Variants in NHSL1 observed in about 807,000 individuals in gnomAD.
NHSL1 encodes NHS like 1.
Under a neutral mutation model 95.0 loss-of-function variants are expected in NHSL1, and 48 were observed. The observed-to-expected ratio is 0.51, with a 90% CI of 0.40 to 0.64. The LOEUF (loss-of-function observed/expected upper bound fraction) is 0.64. Among genes scored for constraint, NHSL1 ranks in the 30% least tolerant of loss-of-function variants. NHSL1 has a pLI of 0.00. For missense variants in NHSL1, 1,971 were observed against 2,077.7 expected, an observed-to-expected ratio of 0.95 and a Z score of 1.00; for synonymous variants, 783 against 833.9, an observed-to-expected ratio of 0.94 and a Z score of 1.05.
At chr6:138,584,960 C>A (rs1372500905) in intron 1 of NHSL1, among the ~76,000 whole-genome samples, 1 of 152,192 alleles carries the variant, frequency 6.6e-6, no homozygotes, top group Non-Finnish European at 1.5e-5. Context: ...TGGGTAAGGA[C>A]CACAGGGCCT....
chr6:138,464,101 G>T (rs1376399902), intron 3 of NHSL1: 1 of 486,202 alleles, frequency 2.1e-6, no homozygotes, highest in African/African-American at 2.0e-5. Flanking sequence ...ACGAGGTCAG[G>T]TGTTCAGCTA....
intron 1 of NHSL1, among the ~76,000 whole-genome samples, chr6:138,514,318 A>AAAAC (rs59958557): frequency 0.48 from 71,329 of 149,670 alleles, 17,663 homozygotes; most frequent in African/African-American, 0.61. Flanking sequence ...ACTCCATCTC[A>AAAAC]AAACAAACAA....
chr6:138,468,406 G>A (rs1778529359), intron 3 of NHSL1, among the ~76,000 whole-genome samples: 1 of 152,214 alleles, frequency 6.6e-6, no homozygotes. Context: ...CCCATCTGTG[G>A]CCTGTTAGGA....
At chr6:138,634,837 T>C (rs190739589) in intron 1 of NHSL1, among the ~76,000 whole-genome samples, 10 of 149,130 alleles carry the variant, frequency 6.7e-5, no homozygotes, top group Admixed American at 1.3e-4. Flanking sequence ...AAAAAAGTAA[T>C]ATCAAACATC....
chr6:138,491,574 A>C (rs1388670927), intron 2 of NHSL1, among the ~76,000 whole-genome samples: 1 of 152,242 alleles, frequency 6.6e-6, no homozygotes, highest in Admixed American at 6.5e-5. Flanking sequence ...TGAAGGATTC[A>C]AACAATGATG....
At chr6:138,603,065 T>C (rs1784391642) in intron 1 of NHSL1, among the ~76,000 whole-genome samples, 1 of 152,196 alleles carries the variant, frequency 6.6e-6, no homozygotes, top group Admixed American at 6.5e-5. Flanking sequence ...TTTTCTTTTA[T>C]GGAAAGAAGA....
At chr6:138,687,804 T>C (rs1343782203) in intron 1 of NHSL1, among the ~76,000 whole-genome samples, 1 of 152,150 alleles carries the variant, frequency 6.6e-6, no homozygotes, top group Non-Finnish European at 1.5e-5. Context: ...AGAAAGTAGA[T>C]CAGTGGTTGC....
chr6:138,522,675 T>C (rs1290703950), intron 1 of NHSL1, among the ~76,000 whole-genome samples: 1 of 151,996 alleles, frequency 6.6e-6, no homozygotes, highest in Non-Finnish European at 1.5e-5. Context: ...TACTCAGGTG[T>C]GGTGGCGCAC....
intron 1 of NHSL1, among the ~76,000 whole-genome samples, chr6:138,600,583 T>A (rs962616352): frequency 7.2e-5 from 11 of 152,250 alleles, no homozygotes; most frequent in African/African-American, 2.7e-4. Context: ...TCAATTATAA[T>A]CCTTGCTTCC....
At chr6:138,620,467 T>C (rs1784640925) in intron 1 of NHSL1, among the ~76,000 whole-genome samples, 1 of 152,220 alleles carries the variant, frequency 6.6e-6, no homozygotes. Context: ...CAAGGGATTA[T>C]ATTACTACAA....
chr6:138,503,834 C>T (rs1277785186), upstream of NHSL1, among the ~76,000 whole-genome samples: 1 of 152,128 alleles, frequency 6.6e-6, no homozygotes, highest in African/African-American at 2.4e-5. Context: ...TCTGCTTTGC[C>T]CCCCAAACTG....
intron 1 of NHSL1, among the ~76,000 whole-genome samples, chr6:138,658,090 T>A (rs980159513): frequency 6.6e-6 from 1 of 152,190 alleles, no homozygotes; most frequent in Non-Finnish European, 1.5e-5. Context: ...AGTTCTATTA[T>A]GGTCCATAAA....
At chr6:138,539,869 A>G (rs1156702615) in intron 1 of NHSL1, among the ~76,000 whole-genome samples, 1 of 152,196 alleles carries the variant, frequency 6.6e-6, no homozygotes, top group Non-Finnish European at 1.5e-5. Flanking sequence ...GTATTACACA[A>G]CCTATTTAGC....
At chr6:138,676,613 A>C (rs1171065338) in intron 1 of NHSL1, among the ~76,000 whole-genome samples, 1 of 152,126 alleles carries the variant, frequency 6.6e-6, no homozygotes, top group African/African-American at 2.4e-5. Context: ...AGTAAATTTT[A>C]TCTCTTACAT....
intron 1 of NHSL1, among the ~76,000 whole-genome samples, chr6:138,606,271 A>G (rs1784432473): frequency 6.6e-6 from 1 of 152,204 alleles, no homozygotes; most frequent in Non-Finnish European, 1.5e-5. Flanking sequence ...ACAGAGAAAG[A>G]ACTTACCACT....
intron 1 of NHSL1, among the ~76,000 whole-genome samples, chr6:138,668,089 T>C (rs1373212207): frequency 6.6e-6 from 1 of 152,166 alleles, no homozygotes; most frequent in South Asian, 2.1e-4. Context: ...TAAACCAGCA[T>C]GGGCAGCCCC....
intron 1 of NHSL1, among the ~76,000 whole-genome samples, chr6:138,644,037 T>C (rs577949669): frequency 6.6e-6 from 1 of 151,136 alleles, no homozygotes; most frequent in African/African-American, 2.4e-5. Context: ...CTCAAGTGCC[T>C]CTATCTTGGG....
intron 2 of NHSL1, among the ~76,000 whole-genome samples, chr6:138,490,160 A>T (rs1267805722): frequency 6.6e-6 from 1 of 151,810 alleles, no homozygotes; most frequent in African/African-American, 2.4e-5. Flanking sequence ...ATTTTTTTTT[A>T]AAGTTACAGA....
chr6:138,651,020 T>G (rs575568829), intron 1 of NHSL1: 4 of 427,000 alleles, frequency 9.4e-6, no homozygotes, highest in Non-Finnish European at 1.8e-5. Flanking sequence ...AAGTTCGATC[T>G]CATCGTAACA....
Sources: allele counts gnomAD v4.1 joint callset (sites outside exome capture counted in the v4.1 genomes callset), GRCh38; gene constraint gnomAD v4.1.1; transcripts MANE v1.5; gene names NCBI Gene and HGNC (gene_info 2026-07-23, HGNC 2026-07-21).